The following MRLN variants were observed in gnomAD, a reference collection of about 807,000 sequenced individuals.
MRLN encodes the protein myoregulin.
rs184164664 is a variant in MRLN at position 59,752,739 on chromosome 10, A to T, written c.-125+615T>A. Among the ~76,000 whole-genome samples the T allele has an allele frequency of 5.3e-5, 8 of 152,376 alleles. No individual in the cohort carries two copies. The East Asian group carries it at 1.5e-3, about 29-fold the overall frequency. ...GCTTCAGGGTCCCCCTTTTCTAGAC[A>T]GAAAACATAGTGACCTACTTTGAAG... On this transcript the variant is annotated intron_variant, in intron 1 of 2. Coordinates refer to ENST00000414264, the MANE Select transcript of MRLN (RefSeq NM_001304731.2).
chr10:59,741,977 T>A lies in MRLN; in HGVS notation c.-124-3415A>T, dbSNP rs186263386. Among the ~76,000 whole-genome samples the A allele has an allele frequency of 4.1e-3, 625 of 152,274 alleles. 6 individuals are homozygous for A. Among genetic ancestry groups the A allele is most frequent in the African/African-American group, 0.014 (569 of 41,542 alleles). ...GCAGCCTCAAACTGCTGGCCTCAGG[T>A]GGTCCTCCCCTCCTCAGTTTCCCAA... is the stretch of plus-strand genomic sequence containing the variant. On this transcript the variant is annotated intron_variant, in intron 1 of 2. Transcript: ENST00000414264.
At chr10:59,752,942 A>G (rs534204508) in intron 1 of MRLN, among the ~76,000 whole-genome samples, 12 of 152,314 alleles carry the variant, frequency 7.9e-5, no homozygotes, top group Admixed American at 4.6e-4. Flanking sequence ...CCTCCCCCCA[A>G]TCCCCTACAT....
chr10:59,739,882 G>A (rs565067783), intron 1 of MRLN, among the ~76,000 whole-genome samples: 11 of 151,862 alleles, frequency 7.2e-5, no homozygotes, highest in Non-Finnish European at 1.3e-4. Flanking sequence ...TCACAAGGTC[G>A]GGAGTTCAAG....
At chr10:59,743,066 A>G (rs1841001813) in intron 1 of MRLN, among the ~76,000 whole-genome samples, 1 of 152,098 alleles carries the variant, frequency 6.6e-6, no homozygotes, top group Non-Finnish European at 1.5e-5. Flanking sequence ...AGACTTCATA[A>G]TTAAAATACT....
At chr10:59,746,762 C>A (rs1841047863) in intron 1 of MRLN, among the ~76,000 whole-genome samples, 1 of 152,220 alleles carries the variant, frequency 6.6e-6, no homozygotes, top group Admixed American at 6.5e-5. Context: ...TTGCCCAGAT[C>A]ACAACTGTGA....
At chr10:59,742,272 A>G in intron 1 of MRLN, among the ~76,000 whole-genome samples, 1 of 152,230 alleles carries the variant, frequency 6.6e-6, no homozygotes, top group Admixed American at 6.5e-5. Flanking sequence ...AAAAACAAAG[A>G]TGAATCTTAC....
rs187699815 is a variant in MRLN at position 59,746,611 on chromosome 10, G to A, written c.-125+6743C>T. Among the ~76,000 whole-genome samples, 284 of 152,280 alleles carry A rather than the reference G, an allele frequency of 1.9e-3. 2 individuals carry two copies. Among genetic ancestry groups the A allele is most frequent in the Middle Eastern group, 3.4e-3 (1 of 294 alleles). On this transcript the variant is annotated intron_variant, in intron 1 of 2. Coordinates refer to ENST00000414264, the MANE Select transcript of MRLN (RefSeq NM_001304731.2). ...TCAGTCCTGGATCCTTTCTATATAAGTGAGCTGGTTGTGGATGGGATGGAA... is the reference window on the plus strand; with the variant it reads ...TCAGTCCTGGATCCTTTCTATATAAATGAGCTGGTTGTGGATGGGATGGAA...
At chr10:59,738,652 A>C (rs1260020604) in intron 1 of MRLN, 90 bp from the exon 2 acceptor site, 1 of 152,148 alleles carries the variant, frequency 6.6e-6, no homozygotes, top group Non-Finnish European at 1.5e-5. Flanking sequence ...AAACTTCTAA[A>C]ATTGTTTTCA....
intron 1 of MRLN, among the ~76,000 whole-genome samples, chr10:59,750,872 G>A (rs1564727825): frequency 6.6e-6 from 1 of 152,202 alleles, no homozygotes; most frequent in Non-Finnish European, 1.5e-5. Flanking sequence ...ATGCAGAAAC[G>A]GGTGCAGGAT....
At chr10:59,745,534 T>C (rs1458799075) in intron 1 of MRLN, among the ~76,000 whole-genome samples, 1 of 136,086 alleles carries the variant, frequency 7.3e-6, no homozygotes, top group Non-Finnish European at 1.6e-5. Flanking sequence ...TGCCTTTCTT[T>C]TCCTCATTTC....
chr10:59,744,018 G>A (rs950117303), intron 1 of MRLN, among the ~76,000 whole-genome samples: 3 of 152,082 alleles, frequency 2.0e-5, no homozygotes, highest in African/African-American at 7.2e-5. Context: ...CGCTACAACC[G>A]CCACCTCCCA....
At chr10:59,750,754 C>A (rs1196127344) in intron 1 of MRLN, among the ~76,000 whole-genome samples, 1 of 152,250 alleles carries the variant, frequency 6.6e-6, no homozygotes, top group African/African-American at 2.4e-5. Context: ...ATGCCCGGAG[C>A]CCTGGCTGGG....
At chr10:59,742,309 A>G (rs1360376071) in intron 1 of MRLN, among the ~76,000 whole-genome samples, 2 of 152,248 alleles carry the variant, frequency 1.3e-5, no homozygotes, top group East Asian at 3.8e-4. Context: ...TTTAAAATAC[A>G]AAAACAGGTG....
chr10:59,747,458 A>T (rs910739814), intron 1 of MRLN, among the ~76,000 whole-genome samples: 1 of 152,254 alleles, frequency 6.6e-6, no homozygotes, highest in Non-Finnish European at 1.5e-5. Flanking sequence ...CCTAGAAAGT[A>T]AACATTTAGT....
At chr10:59,747,711 C>T (rs1249170714) in intron 1 of MRLN, among the ~76,000 whole-genome samples, 2 of 152,180 alleles carry the variant, frequency 1.3e-5, no homozygotes, top group Non-Finnish European at 2.9e-5. Flanking sequence ...TGGTTGTTTA[C>T]ATGCAATACG....
chr10:59,750,810 C>A (rs922934604), intron 1 of MRLN, among the ~76,000 whole-genome samples: 2 of 152,210 alleles, frequency 1.3e-5, no homozygotes, highest in African/African-American at 4.8e-5. Flanking sequence ...CGCAGCGGTG[C>A]CAGCAGACAC....
intron 1 of MRLN, among the ~76,000 whole-genome samples, chr10:59,747,399 G>A (rs1196197405): frequency 1.3e-5 from 2 of 152,174 alleles, no homozygotes; most frequent in African/African-American, 2.4e-5. Flanking sequence ...GGGGATAATG[G>A]TACCTGCTTC....
rs1554878720 is a variant in MRLN at position 59,745,118 on chromosome 10, A to AT, written c.-124-6557_-124-6556insA. 4.0e-3 allele frequency among the ~76,000 whole-genome samples: 598 copies of AT among 150,776 alleles called. 5 individuals are homozygous for AT. Among genetic ancestry groups the AT allele is most frequent in the African/African-American group, 0.014 (545 of 40,100 alleles). ...AAGAATGATCAATAAATACTAAAAAAAAAATAAAATAAAATAAAAAAAAGA... is the reference window on the plus strand; with the variant it reads ...AAGAATGATCAATAAATACTAAAAAATAAAATAAAATAAAATAAAAAAAAGA... On this transcript the variant is annotated intron_variant, in intron 1 of 2. Transcript: ENST00000414264.
At chr10:59,751,299 T>C (rs1353512353) in intron 1 of MRLN, among the ~76,000 whole-genome samples, 2 of 152,196 alleles carry the variant, frequency 1.3e-5, no homozygotes, top group African/African-American at 4.8e-5. Context: ...TGACAATTTT[T>C]TTCCATAGGG....
Sources: gnomAD v4.1 joint callset for allele counts (sites outside exome capture counted in the v4.1 genomes callset) on GRCh38, gnomAD v4.1.1 for gene constraint, MANE v1.5 for transcripts, NCBI Gene and HGNC (gene_info 2026-07-23, HGNC 2026-07-21) for gene names.